Variants in MINAR1 observed in about 807,000 individuals in gnomAD.
The protein encoded by MINAR1 is major intrinsically disordered Notch2-binding receptor 1.
MINAR1 carries 40 observed loss-of-function variants against 65.1 expected under a neutral mutation model. The ratio of observed to expected loss-of-function variants is 0.61; its 90% CI spans 0.48 to 0.80. The LOEUF (loss-of-function observed/expected upper bound fraction) is 0.80. Ranked by LOEUF, MINAR1 falls within the 30% of genes least tolerant of loss-of-function variation. The pLI is 0.00. For missense variants in MINAR1, 1,128 were observed against 1,148.0 expected, an observed-to-expected ratio of 0.98 and a Z score of 0.25; for synonymous variants, 482 against 449.1, an observed-to-expected ratio of 1.07 and a Z score of -0.93.
chr15:79,468,759 C>T lies in MINAR1; in HGVS notation c.*375C>T, dbSNP rs897827479. 7 of 223,308 alleles carry T rather than the reference C, an allele frequency of 3.1e-5. No homozygotes were observed. Among genetic ancestry groups the T allele is most frequent in the South Asian group, 2.2e-4 (3 of 13,854 alleles). 13.8% of individuals were successfully genotyped at this position (223,308 alleles called of 1,614,324 possible). Reference sequence around the variant, plus strand: ...AGTTATACAGAAGATATTTAATACACGCCTCTTTAGAAGAAACTAAGGGAA... The same window carrying T: ...AGTTATACAGAAGATATTTAATACATGCCTCTTTAGAAGAAACTAAGGGAA... On this transcript the variant is annotated 3_prime_UTR_variant, in exon 4 of 4. Coordinates refer to ENST00000305428, the MANE Select transcript of MINAR1 (RefSeq NM_015206.3).
chr15:79,443,007 C>G (rs1289206297), intron 1 of MINAR1, among the ~76,000 whole-genome samples: 1 of 152,120 alleles, frequency 6.6e-6, no homozygotes, highest in Non-Finnish European at 1.5e-5. Flanking sequence ...AGGATTTCCA[C>G]TCTAAGGTTA....
intron 1 of MINAR1, among the ~76,000 whole-genome samples, chr15:79,455,567 C>G (rs1895383960): frequency 6.6e-6 from 1 of 152,140 alleles, no homozygotes; most frequent in African/African-American, 2.4e-5. Flanking sequence ...CTCCTCACAT[C>G]CAGGTCTTGG....
Position 79,441,765 on chromosome 15 carries a change from T to C in MINAR1, c.-51+9225T>C, listed in dbSNP as rs544592844. On this transcript the variant is annotated intron_variant, in intron 1 of 3. Coordinates refer to ENST00000305428, the MANE Select transcript of MINAR1 (RefSeq NM_015206.3). Reference sequence around the variant, plus strand: ...TAACAAATATACTATATGCTGGTTATAAATAATATCAAAAACCCTTAATAA... The same window carrying C: ...TAACAAATATACTATATGCTGGTTACAAATAATATCAAAAACCCTTAATAA... Among the ~76,000 whole-genome samples the C allele has an allele frequency of 3.3e-5, 5 of 152,256 alleles. No homozygotes were observed. In the South Asian group the frequency reaches 1.0e-3, roughly 32 times the overall value.
At chr15:79,455,818 C>T (rs766373007) in intron 1 of MINAR1, among the ~76,000 whole-genome samples, 30 of 152,008 alleles carry the variant, frequency 2.0e-4, no homozygotes, top group Admixed American at 7.2e-4. Context: ...TATGTATTCT[C>T]CTATTTGGAT....
intron 2 of MINAR1, 85 bp from the exon 3 acceptor site, chr15:79,462,982 A>G (rs1895700789): frequency 2.7e-6 from 4 of 1,482,376 alleles, no homozygotes; most frequent in African/African-American, 1.4e-5. Flanking sequence ...GAATGTCTAC[A>G]GGAAAGCTGC....
rs962280020 is a variant in MINAR1, at chr15:79,463,192, C to G, written c.2424C>G (p.Ser808Arg). ...YPASLKAHMK[S>R]NPLYTDMRLT... is the part of the protein sequence containing the mutation. ...CCTCCCTCAAGGCCCACATGAAGAG[C>G]AACCCCCTGTACACAGACATGCGGC... is the stretch of plus-strand genomic sequence containing the variant. The change falls in exon 3 of 4, where the codon AGC becomes AGG. Residue 808 changes from serine to arginine, a missense_variant. Coordinates refer to ENST00000305428, the MANE Select transcript of MINAR1 (RefSeq NM_015206.3). 1 of 1,614,130 alleles carries G rather than the reference C, an allele frequency of 6.2e-7. No homozygotes were observed. Among genetic ancestry groups the G allele is most frequent in the Non-Finnish European group, 8.5e-7 (1 of 1,180,054 alleles).
At chr15:79,437,685 TG>T (rs1191216697) in intron 1 of MINAR1, among the ~76,000 whole-genome samples, 5 of 40,442 alleles carry the variant, frequency 1.2e-4, no homozygotes, top group African/African-American at 1.6e-4. Flanking sequence ...GTGGGTGGCG[TG>T]GGTAGTGAGT....
the MINAR1 span, chr15:79,422,104 T>A: frequency 6.6e-6 from 1 of 152,292 alleles, no homozygotes; most frequent in Admixed American, 6.5e-5. Context: ...TCACCTCATA[T>A]GACCTTGTGA....
At chr15:79,451,400 A>G (rs1895195317) in intron 1 of MINAR1, among the ~76,000 whole-genome samples, 1 of 152,118 alleles carries the variant, frequency 6.6e-6, no homozygotes, top group Admixed American at 6.5e-5. Context: ...GGACCTGGCG[A>G]GGGACTGGGG....
chr15:79,462,946 C>A, intron 2 of MINAR1, 121 bp from the exon 3 acceptor site: 1 of 1,048,312 alleles, frequency 9.5e-7, no homozygotes, highest in Non-Finnish European at 1.4e-6. Context: ...TTTGATTTGG[C>A]TGGAAGTAAC....
chr15:79,420,423 G>C, the MINAR1 span: 1 of 152,024 alleles, frequency 6.6e-6, no homozygotes, highest in South Asian at 2.1e-4. Context: ...ATAAATTTTT[G>C]GAAAAATAAT....
Position 79,457,807 on chromosome 15 carries a change from T to C in MINAR1, c.1660T>C (p.Ser554Pro). ...AGGATCCTTGTCTCAGCTCCATAAG[T>C]CAGACTGCGACAGTTCCCCTGAGCA... is the stretch of plus-strand genomic sequence containing the variant. ...STGSLSQLHK[S>P]DCDSSPEHNL... The change falls in exon 2 of 4, where the codon TCA becomes CCA. Residue 554 changes from serine to proline, a missense_variant. Coordinates refer to ENST00000305428, the MANE Select transcript of MINAR1 (RefSeq NM_015206.3). 6.2e-7 allele frequency: 1 copy of C among 1,614,024 alleles called. No homozygotes were observed. Among genetic ancestry groups the C allele is most frequent in the Non-Finnish European group, 8.5e-7 (1 of 1,180,000 alleles).
Position 79,469,041 on chromosome 15 carries a change from C to T in MINAR1, c.*657C>T, listed in dbSNP as rs527907619. ...GAAGGAGCTGGACTACCAAGTCAGG[C>T]GTGGAATGAAGTATGCTCAGACTGC... is the stretch of plus-strand genomic sequence containing the variant. On this transcript the variant is annotated 3_prime_UTR_variant, in exon 4 of 4. Coordinates refer to ENST00000305428, the MANE Select transcript of MINAR1 (RefSeq NM_015206.3). The T allele has an allele frequency of 1.0e-4, 16 of 154,612 alleles. No individual in the cohort carries two copies. The highest frequency in any genetic ancestry group is 2.4e-4 in the African/African-American group (10 of 41,562). 9.6% of individuals were successfully genotyped at this position (154,612 alleles called of 1,614,324 possible).
At chr15:79,417,882 T>G in the MINAR1 span, 6 of 152,182 alleles carry the variant, frequency 3.9e-5, no homozygotes, top group African/African-American at 1.4e-4. Flanking sequence ...ACTTGAAAAA[T>G]AGCTGCTTCT....
intron 1 of MINAR1, among the ~76,000 whole-genome samples, chr15:79,451,386 T>A (rs1233250743): frequency 6.6e-6 from 1 of 152,120 alleles, no homozygotes; most frequent in Admixed American, 6.5e-5. Flanking sequence ...CAGAGGAGAC[T>A]CTGGGACCTG....
chr15:79,456,640 G>T lies in MINAR1; in HGVS notation c.493G>T (p.Asp165Tyr), dbSNP rs369889937. The change falls in exon 2 of 4, where the codon GAC (aspartate) becomes TAC (tyrosine). Residue 165 changes from aspartate to tyrosine, a missense_variant. By Grantham distance (160) the Asp-to-Tyr change is radical. Coordinates refer to ENST00000305428, the MANE Select transcript of MINAR1 (RefSeq NM_015206.3). ...SSKCRKMDCK[D>Y]CPQFVPASEP... ...CAAGTGCCGGAAGATGGACTGCAAGGACTGCCCACAGTTTGTCCCTGCCTC... is the reference window on the plus strand; with the variant it reads ...CAAGTGCCGGAAGATGGACTGCAAGTACTGCCCACAGTTTGTCCCTGCCTC... 1 of 1,614,174 alleles carries T rather than the reference G, an allele frequency of 6.2e-7. No individual in the cohort carries two copies. Among genetic ancestry groups the T allele is most frequent in the Admixed American group, 1.7e-5 (1 of 60,024 alleles).
chr15:79,428,592 C>T (rs1407488179), upstream of MINAR1, among the ~76,000 whole-genome samples: 3 of 151,424 alleles, frequency 2.0e-5, no homozygotes, highest in Non-Finnish European at 2.9e-5. Context: ...TGCGGAATAC[C>T]TGTTATGAGG....
chr15:79,450,021 C>T (rs1035141751), intron 1 of MINAR1, among the ~76,000 whole-genome samples: 1 of 152,180 alleles, frequency 6.6e-6, no homozygotes, highest in Non-Finnish European at 1.5e-5. Flanking sequence ...CCCCCTTAAT[C>T]GGGTTCCCAG....
the MINAR1 span, chr15:79,419,283 T>A: frequency 1.3e-5 from 2 of 152,324 alleles, no homozygotes; most frequent in African/African-American, 4.8e-5. Context: ...AGGGGAGCCC[T>A]GGAATAGTTT....
Sources: gnomAD v4.1 joint callset for allele counts (sites outside exome capture counted in the v4.1 genomes callset) on GRCh38, gnomAD v4.1.1 for gene constraint, MANE v1.5 for transcripts, NCBI Gene and HGNC (gene_info 2026-07-23, HGNC 2026-07-21) for gene names.